Variants in NPHP4 observed in about 807,000 individuals in gnomAD.
NPHP4 encodes the protein nephrocystin 4.
In NPHP4, 151 loss-of-function variants were observed where a neutral mutation model predicts 155.8. The ratio of observed to expected loss-of-function variants is 0.97; its 90% CI spans 0.85 to 1.11. The LOEUF is 1.11. NPHP4 is among the 50% of genes least tolerant of loss of function. NPHP4 has a pLI of 0.00. For missense variants in NPHP4, 1,956 were observed against 1,925.7 expected, an observed-to-expected ratio of 1.02 and a Z score of -0.29; for synonymous variants, 845 against 816.8, an observed-to-expected ratio of 1.03 and a Z score of -0.59.
chr1:5,911,689 C>T (rs1645185945), intron 11 of NPHP4, among the ~76,000 whole-genome samples: 1 of 152,122 alleles, frequency 6.6e-6, no homozygotes, highest in Admixed American at 6.5e-5. Flanking sequence ...AAAAAGATAC[C>T]TGGTGGGAAG....
intron 9 of NPHP4, among the ~76,000 whole-genome samples, chr1:5,941,393 T>C (rs1285078810): frequency 6.6e-6 from 1 of 150,978 alleles, no homozygotes; most frequent in African/African-American, 2.4e-5. Flanking sequence ...GCTTTTTCCC[T>C]GACTCAAAAT....
At chr1:5,964,390 T>C (rs927610824) in intron 5 of NPHP4, among the ~76,000 whole-genome samples, 23 of 152,148 alleles carry the variant, frequency 1.5e-4, no homozygotes, top group African/African-American at 5.6e-4. Flanking sequence ...CCTGACCAAA[T>C]ACCAGAGAGA....
At chr1:5,986,950 G>A (rs1655577949) in intron 1 of NPHP4, among the ~76,000 whole-genome samples, 1 of 152,052 alleles carries the variant, frequency 6.6e-6, no homozygotes, top group Non-Finnish European at 1.5e-5. Context: ...ATGAGAGAGG[G>A]AATACAGCCC....
chr1:5,916,552 A>G (rs1645482477), intron 11 of NPHP4, among the ~76,000 whole-genome samples: 1 of 152,248 alleles, frequency 6.6e-6, no homozygotes, highest in Admixed American at 6.5e-5. Context: ...GCTGGTCCCC[A>G]AACAGTGACT....
intron 6 of NPHP4, among the ~76,000 whole-genome samples, chr1:5,960,062 C>T (rs917349668): frequency 2.0e-5 from 3 of 152,208 alleles, no homozygotes; most frequent in African/African-American, 7.2e-5. Flanking sequence ...GGTCTCAGAG[C>T]CAGACACAGG....
At chr1:5,914,393 C>T (rs1645356175) in intron 11 of NPHP4, among the ~76,000 whole-genome samples, 1 of 151,684 alleles carries the variant, frequency 6.6e-6, no homozygotes, top group Non-Finnish European at 1.5e-5. Flanking sequence ...GTGACTACGC[C>T]ATTGCACTCC....
chr1:5,880,813 T>A (rs961341606), intron 18 of NPHP4: 3 of 155,354 alleles, frequency 1.9e-5, no homozygotes, highest in African/African-American at 7.2e-5. Context: ...AACCTGAGTG[T>A]CCTGGGGGAA....
intron 5 of NPHP4, among the ~76,000 whole-genome samples, chr1:5,965,915 C>T (rs992154862): frequency 2.0e-5 from 3 of 152,138 alleles, no homozygotes; most frequent in Non-Finnish European, 2.9e-5. Context: ...ACACTGTGTC[C>T]CATGAAGCGG....
chr1:5,948,237 CA>C lies in NPHP4; in HGVS notation c.824del (p.Leu275ArgfsTer40). ...CCAGGATCTCCAGGGCACCACCGTCCAGTGGGCCACATCCCTGGAAGAGGCA... is the reference window on the plus strand; with the variant it reads ...CCAGGATCTCCAGGGCACCACCGTCCGTGGGCCACATCCCTGGAAGAGGCA... ...QDHFQEGCGP[L>X]DGGALEILER... On this transcript the variant is annotated frameshift_variant, in exon 8 of 30. Transcript: ENST00000378156. LOFTEE classifies it high-confidence loss of function. The C allele has an allele frequency of 6.3e-7, 1 of 1,574,882 alleles. No homozygotes were observed. Among genetic ancestry groups the C allele is most frequent in the East Asian group, 2.3e-5 (1 of 43,004 alleles).
intron 11 of NPHP4, among the ~76,000 whole-genome samples, chr1:5,924,222 C>G (rs992862194): frequency 6.6e-6 from 1 of 152,062 alleles, no homozygotes; most frequent in Non-Finnish European, 1.5e-5. Context: ...TAAAAGTGAA[C>G]AGAGTATCAG....
Position 5,910,162 on chromosome 1 carries a change from C to A in NPHP4, c.1442-949G>T, listed in dbSNP as rs986834609. Among the ~76,000 whole-genome samples, 8 of 152,206 alleles carry A rather than the reference C, an allele frequency of 5.3e-5. No homozygotes were observed. Among genetic ancestry groups the A allele is most frequent in the Non-Finnish European group, 1.0e-4 (7 of 68,034 alleles). The stretch of plus-strand genomic sequence containing the variant: ...TGAAACCACCAAGCCAGACCCCAAG[C>A]CCATCCTGACGGGGCCACCTCTGCC... On this transcript the variant is annotated intron_variant, in intron 11 of 29. Transcript: ENST00000378156. This position sits in a 1 kb window ranked among gnomAD's most constrained non-coding sequence, Gnocchi z 5.4.
Position 5,867,659 on chromosome 1 carries a change from C to A in NPHP4, c.3472+81G>T, listed in dbSNP as rs1410452373. On this transcript the variant is annotated intron_variant, in intron 24 of 29. Coordinates refer to ENST00000378156, the MANE Select transcript of NPHP4 (RefSeq NM_015102.5). This position sits in a 1 kb window ranked among gnomAD's most constrained non-coding sequence, Gnocchi z 4.1. ...AGCACCAGGGCATGAAGCCATGAGG[C>A]CATCTGTCACCCTCAAGAGGTATCT... The A allele has an allele frequency of 1.3e-5, 18 of 1,429,786 alleles. No homozygotes were observed. Among genetic ancestry groups the A allele is most frequent in the Non-Finnish European group, 1.6e-5 (17 of 1,038,538 alleles). The allele number at this position is 1,429,786 out of a possible 1,614,324, so 88.6% of individuals were successfully genotyped here.
intron 12 of NPHP4, among the ~76,000 whole-genome samples, chr1:5,908,085 G>A (rs1340120497): frequency 6.6e-6 from 1 of 152,202 alleles, no homozygotes; most frequent in Non-Finnish European, 1.5e-5. Flanking sequence ...AGGCCCCAAT[G>A]TATGAAGAGG....
chr1:5,869,471 TTTGA>T lies in NPHP4; in HGVS notation c.3316-1579_3316-1576del, dbSNP rs1641779776. 2.0e-5 allele frequency among the ~76,000 whole-genome samples: 3 copies of T among 152,376 alleles called. No individual in the cohort carries two copies. In the South Asian group the frequency reaches 6.2e-4, roughly 32 times the overall value. On this transcript the variant is annotated intron_variant, in intron 23 of 29. Coordinates refer to ENST00000378156, the MANE Select transcript of NPHP4 (RefSeq NM_015102.5). ...CTTCCAAATATATCTTGCTTTATAG[TTTGA>T]TTTTTGACTTACTTGTTTTTAATTT...
At position 5,905,277 on chromosome 1, in the gene NPHP4, T is replaced by C. The variant is rs1302529222; in HGVS notation, c.1955+15A>G. Reference sequence around the variant, plus strand: ...TGTGAAAGCCAGATGAGTAACAGAATATTCAAGGATTTACCTGCTAAAGGC... The same window carrying C: ...TGTGAAAGCCAGATGAGTAACAGAACATTCAAGGATTTACCTGCTAAAGGC... On this transcript the variant is annotated intron_variant, in intron 15 of 29. Transcript: ENST00000378156. The surrounding 1 kb of genome is among the most constrained non-coding windows in gnomAD (Gnocchi z 4.0). 1 of 1,598,796 alleles carries C rather than the reference T, an allele frequency of 6.3e-7. No homozygotes were observed. The highest frequency in any genetic ancestry group is 2.2e-5 in the East Asian group (1 of 44,808).
At chr1:5,906,320 C>A (rs1299725755) in intron 13 of NPHP4, among the ~76,000 whole-genome samples, 1 of 152,272 alleles carries the variant, frequency 6.6e-6, no homozygotes, top group Non-Finnish European at 1.5e-5. Flanking sequence ...CACTCCCCTC[C>A]AAGGCCGAGG....
rs1386649636 is a variant in NPHP4 at position 5,956,416 on chromosome 1, GT to G, written c.674-3581del. Among the ~76,000 whole-genome samples, 5 of 152,350 alleles carry G rather than the reference GT, an allele frequency of 3.3e-5. No homozygotes were observed. In the East Asian group the frequency reaches 7.7e-4, roughly 24 times the overall value. On this transcript the variant is annotated intron_variant, in intron 6 of 29. Coordinates refer to ENST00000378156, the MANE Select transcript of NPHP4 (RefSeq NM_015102.5). ...GAAGTCATCAAGGGAGGAAAGATGGGTTCCCACCAGGACAGCCAGACTGAGG... is the reference window on the plus strand; with the variant it reads ...GAAGTCATCAAGGGAGGAAAGATGGGTCCCACCAGGACAGCCAGACTGAGG...
At chr1:5,959,578 C>T (rs896050981) in intron 6 of NPHP4, among the ~76,000 whole-genome samples, 6 of 152,140 alleles carry the variant, frequency 3.9e-5, no homozygotes, top group Non-Finnish European at 5.9e-5. Flanking sequence ...CTGACACCCA[C>T]GGGCAAGTCA....
chr1:5,871,585 C>A (rs968930409), intron 23 of NPHP4, among the ~76,000 whole-genome samples: 5 of 152,214 alleles, frequency 3.3e-5, no homozygotes, highest in African/African-American at 1.2e-4. Context: ...CACCATTTTC[C>A]ACCCTGGATG....
Sources: gnomAD v4.1 joint callset for allele counts (sites outside exome capture counted in the v4.1 genomes callset) on GRCh38, gnomAD v4.1.1 for gene constraint, Gnocchi (gnomAD v3.1) non-coding constraint, MANE v1.5 for transcripts, NCBI Gene and HGNC (gene_info 2026-07-23, HGNC 2026-07-21) for gene names.